ADK: variants seen among roughly 807,000 people sequenced by gnomAD.
ADK encodes adenosine kinase.
A neutral mutation model predicts 44.7 loss-of-function variants in ADK; 24 were observed. The ratio of observed to expected loss-of-function variants is 0.54; its 90% CI spans 0.39 to 0.76. ADK has a LOEUF of 0.76. ADK is among the 30% of genes least tolerant of loss of function. The pLI is 0.00. For synonymous variants in ADK, 128 were observed against 142.6 expected, an observed-to-expected ratio of 0.90 and a Z score of 0.73; for missense variants, 321 against 425.1, an observed-to-expected ratio of 0.76 and a Z score of 2.15.
rs554479313 is a variant in ADK, at chr10:74,427,442, C to A, written c.555+28863C>A. 3.7e-4 allele frequency among the ~76,000 whole-genome samples: 57 copies of A among 152,282 alleles called. 1 individual carries two copies. The highest frequency in any genetic ancestry group is 1.4e-3 in the African/African-American group (57 of 41,562). The stretch of plus-strand genomic sequence containing the variant: ...CTCGATCTCTTGACCTTGTGATCCA[C>A]CTGCCTTGGCTTCCCAAAGTGCTGG... On this transcript the variant is annotated intron_variant, in intron 6 of 10. Coordinates refer to ENST00000539909, the MANE Select transcript of ADK (RefSeq NM_006721.4).
intron 10 of ADK, among the ~76,000 whole-genome samples, chr10:74,681,910 CAT>C (rs1267966122): frequency 6.7e-6 from 1 of 149,264 alleles, no homozygotes; most frequent in Non-Finnish European, 1.5e-5. Context: ...CTCTTGGAAA[CAT>C]ATAGGTCAAG....
rs965077104 is a variant in ADK, at chr10:74,184,009, C to T, written c.66-16755C>T. ...TCAGCTCACCGCAACCTCCGCCTCC[C>T]GGATTCAAGCAATTCTCCCTGCCTC... On this transcript the variant is annotated intron_variant, in intron 1 of 10. Transcript: ENST00000539909. Among the ~76,000 whole-genome samples, 11 of 151,900 alleles carry T rather than the reference C, an allele frequency of 7.2e-5. No homozygotes were observed. In the East Asian group the frequency reaches 1.5e-3, roughly 21 times the overall value.
At chr10:74,408,344 T>C (rs1305260961) in intron 6 of ADK, among the ~76,000 whole-genome samples, 2 of 152,178 alleles carry the variant, frequency 1.3e-5, no homozygotes, top group Non-Finnish European at 2.9e-5. Context: ...AATTCTGTAT[T>C]GAGTTTTCCT....
chr10:74,170,066 G>A (rs922496848), intron 1 of ADK, among the ~76,000 whole-genome samples: 1 of 152,092 alleles, frequency 6.6e-6, no homozygotes, highest in African/African-American at 2.4e-5. Flanking sequence ...GTTTTAAGAA[G>A]TTTCTCTTTT....
chr10:74,270,583 G>C (rs1028672411), intron 3 of ADK, among the ~76,000 whole-genome samples: 1 of 152,136 alleles, frequency 6.6e-6, no homozygotes, highest in Non-Finnish European at 1.5e-5. Context: ...TTTTAACCTT[G>C]TTGGTTCCCT....
At chr10:74,293,441 G>A (rs1341944175) in intron 3 of ADK, among the ~76,000 whole-genome samples, 1 of 152,130 alleles carries the variant, frequency 6.6e-6, no homozygotes, top group Non-Finnish European at 1.5e-5. Flanking sequence ...GAGGGTTTCT[G>A]TTGTTCACTC....
chr10:74,193,446 T>A (rs1323172303), intron 1 of ADK, among the ~76,000 whole-genome samples: 2 of 151,960 alleles, frequency 1.3e-5, no homozygotes, highest in African/African-American at 2.4e-5. Flanking sequence ...TCATGGTGTG[T>A]CTTTTTGCTA....
intron 10 of ADK, among the ~76,000 whole-genome samples, chr10:74,696,093 T>C (rs1022228844): frequency 3.3e-5 from 5 of 152,136 alleles, no homozygotes; most frequent in Non-Finnish European, 5.9e-5. Context: ...CAATCTCAGC[T>C]CAACACAACC....
chr10:74,235,844 T>C (rs1844938874), intron 3 of ADK, among the ~76,000 whole-genome samples: 1 of 152,204 alleles, frequency 6.6e-6, no homozygotes, highest in South Asian at 2.1e-4. Context: ...TCTACCTTCA[T>C]GAGTGCATTA....
intron 4 of ADK, chr10:74,371,633 G>A: frequency 1.0e-6 from 1 of 1,004,540 alleles, no homozygotes; most frequent in African/African-American, 1.6e-5. Context: ...TTGACTTCCA[G>A]ATGGAACAGT....
At chr10:74,664,500 A>G (rs974508903) in intron 9 of ADK, among the ~76,000 whole-genome samples, 5 of 152,204 alleles carry the variant, frequency 3.3e-5, no homozygotes, top group African/African-American at 1.2e-4. Context: ...TTTGAATCAT[A>G]CGAATACATT....
At chr10:74,293,694 C>A (rs964870665) in intron 3 of ADK, among the ~76,000 whole-genome samples, 7 of 151,990 alleles carry the variant, frequency 4.6e-5, no homozygotes, top group Admixed American at 6.6e-5. Flanking sequence ...ACTAATGTAC[C>A]ATATTAGTAG....
chr10:74,513,166 G>T (rs897822441), intron 6 of ADK, among the ~76,000 whole-genome samples: 11 of 152,028 alleles, frequency 7.2e-5, no homozygotes, highest in Non-Finnish European at 1.5e-4. Flanking sequence ...GACTTCTATT[G>T]TGTCCTTACA....
chr10:74,444,317 C>T (rs1845522746), intron 6 of ADK, among the ~76,000 whole-genome samples: 2 of 152,138 alleles, frequency 1.3e-5, no homozygotes, highest in South Asian at 4.1e-4. Context: ...AGGGCTAGAT[C>T]CTGACCCAAG....
intron 6 of ADK, among the ~76,000 whole-genome samples, chr10:74,502,989 A>C (rs191126105): frequency 2.6e-4 from 40 of 152,234 alleles, no homozygotes; most frequent in Admixed American, 2.6e-3. Context: ...TACCACACTA[A>C]ATGGATTTTC....
intron 1 of ADK, among the ~76,000 whole-genome samples, chr10:74,163,689 G>A (rs1841961503): frequency 6.6e-6 from 1 of 152,170 alleles, no homozygotes; most frequent in Non-Finnish European, 1.5e-5. Flanking sequence ...CTTTAATCTC[G>A]ATATAGCAAA....
intron 9 of ADK, among the ~76,000 whole-genome samples, chr10:74,649,262 TTTG>T (rs1443761694): frequency 6.6e-6 from 1 of 152,076 alleles, no homozygotes; most frequent in African/African-American, 2.4e-5. Context: ...TTTCTCTAGT[TTTG>T]TTAAAGTAGT....
intron 3 of ADK, among the ~76,000 whole-genome samples, chr10:74,289,194 A>G (rs1847310087): frequency 6.6e-6 from 1 of 152,174 alleles, no homozygotes; most frequent in Non-Finnish European, 1.5e-5. Flanking sequence ...TCTTCTAGGA[A>G]CTACAATTTA....
At chr10:74,256,400 G>C (rs1284394652) in intron 3 of ADK, among the ~76,000 whole-genome samples, 1 of 152,164 alleles carries the variant, frequency 6.6e-6, no homozygotes, top group Admixed American at 6.5e-5. Context: ...AATACAAAAA[G>C]GAACCTGGAA....
Sources: allele counts gnomAD v4.1 joint callset (sites outside exome capture counted in the v4.1 genomes callset), GRCh38; gene constraint gnomAD v4.1.1; transcripts MANE v1.5; gene names NCBI Gene and HGNC (gene_info 2026-07-23, HGNC 2026-07-21).